MAVS: variants seen among roughly 807,000 people sequenced by gnomAD.
MAVS encodes the protein mitochondrial antiviral signaling protein.
A neutral mutation model predicts 30.2 loss-of-function variants in MAVS; 20 were observed. The ratio of observed to expected loss-of-function variants is 0.66; its 90% CI spans 0.47 to 0.96. The LOEUF (loss-of-function observed/expected upper bound fraction) is 0.96, where lower values mean the gene tolerates loss of function less well. Among genes scored for constraint, MAVS ranks in the 40% least tolerant of loss-of-function variants. The probability of loss-of-function intolerance (pLI) is 0.00; values close to 1 mark genes in which losing one functional copy is unlikely to be tolerated. For synonymous variants in MAVS, 278 were observed against 293.9 expected, an observed-to-expected ratio of 0.95 and a Z score of 0.55; for missense variants, 624 against 701.1, an observed-to-expected ratio of 0.89 and a Z score of 1.24.
At chr20:3,856,958 C>T (rs1396047488) in intron 2 of MAVS, among the ~76,000 whole-genome samples, 1 of 151,020 alleles carries the variant, frequency 6.6e-6, no homozygotes, top group African/African-American at 2.4e-5. Context: ...ATCGCTTGAA[C>T]TCAGGAGGCA....
intron 1 of MAVS, among the ~76,000 whole-genome samples, chr20:3,852,125 G>C (rs2089766682): frequency 6.6e-6 from 1 of 151,358 alleles, no homozygotes. Context: ...CTCCCGAGTA[G>C]CTGGGACTAC....
chr20:3,850,412 G>A (rs1476285176), intron 1 of MAVS, among the ~76,000 whole-genome samples: 1 of 146,806 alleles, frequency 6.8e-6, no homozygotes, highest in Non-Finnish European at 1.5e-5. Flanking sequence ...GGAACATGGT[G>A]AAACCCTGTC....
rs917111778 is a variant in MAVS at position 3,875,994 on chromosome 20, T to G, written c.*9847T>G. On this transcript the variant is annotated 3_prime_UTR_variant, in exon 7 of 7. Transcript: ENST00000428216. ...GTATCCAAAGGAATTGGAGAAGAGATAAACTGGTAATTGGTGAAAGAATTA... is the reference window on the plus strand; with the variant it reads ...GTATCCAAAGGAATTGGAGAAGAGAGAAACTGGTAATTGGTGAAAGAATTA... 2 of 152,370 alleles carry G rather than the reference T, an allele frequency of 1.3e-5. No homozygotes were observed. The highest frequency in any genetic ancestry group is 4.8e-5 in the African/African-American group (2 of 41,460). 9.4% of individuals were successfully genotyped at this position (152,370 alleles called of 1,614,324 possible). A position where few individuals can be genotyped will look rare whatever the true frequency, so the allele number is the denominator to read the frequency against.
intron 1 of MAVS, among the ~76,000 whole-genome samples, chr20:3,852,362 GTTCT>G (rs201181485): frequency 0.011 from 1,701 of 152,300 alleles, 31 homozygotes; most frequent in African/African-American, 0.039. Flanking sequence ...GAAGATCTCA[GTTCT>G]TTCTTCTTCT....
rs2089932441 is a variant in MAVS, at chr20:3,869,033, A to C, written c.*2886A>C. On this transcript the variant is annotated 3_prime_UTR_variant, in exon 7 of 7. Coordinates refer to ENST00000428216, the MANE Select transcript of MAVS (RefSeq NM_020746.5). ...TTTTCTTTTTTCTTTTTTTTAGAGA[A>C]TCACCCAGCCTGGAGCGAAGTGGTG... is the stretch of plus-strand genomic sequence containing the variant. 6.6e-6 allele frequency: 1 copy of C among 152,144 alleles called. No homozygotes were observed. The allele number at this position is 152,144 out of a possible 1,614,324, so 9.4% of individuals were successfully genotyped here. A position where few individuals can be genotyped will look rare whatever the true frequency, so the allele number is the denominator to read the frequency against.
chr20:3,857,833 C>G, intron 3 of MAVS, 24 bp downstream of exon 3: 1 of 1,613,716 alleles, frequency 6.2e-7, no homozygotes, highest in Non-Finnish European at 8.5e-7. Flanking sequence ...CCTTGCCCTC[C>G]TGGACCCCCA....
chr20:3,860,115 C>A (rs1169036223), intron 3 of MAVS, among the ~76,000 whole-genome samples: 1 of 152,152 alleles, frequency 6.6e-6, no homozygotes, highest in African/African-American at 2.4e-5. Context: ...CCAAGCCCAG[C>A]CCTGCTTGTC....
In MAVS at chr20:3,873,880, C is replaced by A. The variant is rs542735491; in HGVS notation, c.*7733C>A. On this transcript the variant is annotated 3_prime_UTR_variant, in exon 7 of 7. Coordinates refer to ENST00000428216, the MANE Select transcript of MAVS (RefSeq NM_020746.5). ...CAGTATCTACCAAAAGCCGAACATA[C>A]GTATAAACTGATCCAGCAGTTCCAC... The A allele has an allele frequency of 5.3e-6, 2 of 380,200 alleles. No individual in the cohort carries two copies. The highest frequency in any genetic ancestry group is 9.2e-6 in the Non-Finnish European group (2 of 216,246). The allele number at this position is 380,200 out of a possible 1,614,324, so 23.6% of individuals were successfully genotyped here.
In MAVS at chr20:3,864,781, G is replaced by T. The variant is rs772171141; in HGVS notation, c.1151G>T (p.Arg384Ile). 3.1e-6 allele frequency: 5 copies of T among 1,613,072 alleles called. No individual in the cohort carries two copies. In the Admixed American group the frequency reaches 8.3e-5, roughly 27 times the overall value. ...ACAGTCCCCACTGACGGGAGCAGCA[G>T]AAATGAGGTGAGTCCTCGCCCTTCC... ...ASTVPTDGSS[R>I]NEETPAAPTP... Residue 384 changes from arginine (R) to isoleucine (I), a missense_variant, in exon 6 of 7, where the codon AGA becomes ATA. Physicochemically the swap from Arg to Ile is moderately conservative, Grantham distance 97 (BLOSUM62 -3). Transcript: ENST00000428216.
rs61739401 is a variant in MAVS, at chr20:3,865,997, C to T, written c.1473C>T (p.Gly491=). 2,633 of 1,612,844 alleles carry T rather than the reference C, an allele frequency of 1.6e-3. 32 individuals carry two copies. In the African/African-American group the frequency reaches 0.031, roughly 19 times the overall value. The change falls in exon 7 of 7, where the codon GGC becomes GGT. Residue 491 remains glycine (G), a synonymous_variant. Coordinates refer to ENST00000428216, the MANE Select transcript of MAVS (RefSeq NM_020746.5). This position sits in a 1 kb window ranked among gnomAD's most constrained non-coding sequence, Gnocchi z 4.7. ...GNPGPPADPD[G]GPRPQADRKF... ...CTGGGCCACCTGCGGACCCGGATGG[C>T]GGCCCCAGGCCACAAGCCGACCGGA...
intron 3 of MAVS, among the ~76,000 whole-genome samples, chr20:3,860,060 A>G (rs987485201): frequency 2.6e-5 from 4 of 151,524 alleles, no homozygotes; most frequent in East Asian, 2.0e-4. Context: ...CTCGTGATCC[A>G]CCCGCCTCGG....
intron 3 of MAVS, among the ~76,000 whole-genome samples, chr20:3,858,091 T>C (rs2089828828): frequency 6.6e-6 from 1 of 152,162 alleles, no homozygotes; most frequent in South Asian, 2.1e-4. Flanking sequence ...TGCGGGACGA[T>C]GCGTGTTGAG....
chr20:3,848,710 C>T (rs2089732062), intron 1 of MAVS, among the ~76,000 whole-genome samples: 1 of 152,178 alleles, frequency 6.6e-6, no homozygotes, highest in African/African-American at 2.4e-5. Flanking sequence ...CTGCCTCCTT[C>T]CCTCCCTGAC....
chr20:3,871,094 T>TGGTCTC lies in MAVS; in HGVS notation c.*4949_*4954dup, dbSNP rs1425839843. On this transcript the variant is annotated 3_prime_UTR_variant, in exon 7 of 7. Coordinates refer to ENST00000428216, the MANE Select transcript of MAVS (RefSeq NM_020746.5). ...TGGGGTTTCACCATGTTGGCCAGGCTGGTCTCGAACTCCTGACCTCAAGTG... is the reference window on the plus strand; with the variant it reads ...TGGGGTTTCACCATGTTGGCCAGGCTGGTCTCGGTCTCGAACTCCTGACCTCAAGTG... 1 of 153,740 alleles carries TGGTCTC rather than the reference T, an allele frequency of 6.5e-6. No homozygotes were observed. Among genetic ancestry groups the TGGTCTC allele is most frequent in the Admixed American group, 6.5e-5 (1 of 15,276 alleles). The allele number at this position is 153,740 out of a possible 1,614,324, so 9.5% of individuals were successfully genotyped here.
intron 3 of MAVS, among the ~76,000 whole-genome samples, chr20:3,859,318 C>T (rs891447101): frequency 4.5e-4 from 68 of 151,894 alleles, no homozygotes; most frequent in African/African-American, 1.4e-3. Context: ...CCAGCCTGGC[C>T]AATATGGTGA....
At position 3,862,423 on chromosome 20, in the gene MAVS, G is replaced by A; in HGVS notation, c.625+10G>A. Reference sequence around the variant, plus strand: ...AGTACCCACACAGCAGGTATGCATGGAATCTGGAATTATAGGGTCCTTCTG... The same window carrying A: ...AGTACCCACACAGCAGGTATGCATGAAATCTGGAATTATAGGGTCCTTCTG... On this transcript the variant is annotated intron_variant, in intron 5 of 6. Coordinates refer to ENST00000428216, the MANE Select transcript of MAVS (RefSeq NM_020746.5). The A allele has an allele frequency of 6.2e-7, 1 of 1,607,692 alleles. No homozygotes were observed.
At chr20:3,848,238 A>G (rs1010474564) in intron 1 of MAVS, among the ~76,000 whole-genome samples, 2 of 151,914 alleles carry the variant, frequency 1.3e-5, no homozygotes, top group Non-Finnish European at 2.9e-5. Context: ...AGCTGGGACT[A>G]CAGGTGTGTG....
chr20:3,853,953 A>ATTTTT (rs56392229), intron 1 of MAVS, among the ~76,000 whole-genome samples: 1 of 132,752 alleles, frequency 7.5e-6, no homozygotes, highest in East Asian at 2.3e-4. Flanking sequence ...ATGCCCAGCT[A>ATTTTT]TTTTTTTTTT....
intron 1 of MAVS, among the ~76,000 whole-genome samples, chr20:3,849,717 G>A (rs1048962570): frequency 6.6e-6 from 1 of 152,048 alleles, no homozygotes; most frequent in Admixed American, 6.6e-5. Context: ...TGTCTCCAGG[G>A]GCTCTGTCTC....
Sources: allele counts gnomAD v4.1 joint callset (sites outside exome capture counted in the v4.1 genomes callset), GRCh38; gene constraint gnomAD v4.1.1; non-coding constraint Gnocchi (gnomAD v3.1); transcripts MANE v1.5; gene names NCBI Gene and HGNC (gene_info 2026-07-23, HGNC 2026-07-21).